DISP1: variants seen among roughly 807,000 people sequenced by gnomAD.
DISP1 encodes the protein protein dispatched homolog 1.
DISP1 carries 30 observed loss-of-function variants against 37.3 expected under a neutral mutation model. The observed-to-expected ratio is 0.80, with a 90% confidence interval of 0.60 to 1.09. DISP1 has a LOEUF of 1.09. Among genes scored for constraint, DISP1 ranks in the 50% least tolerant of loss-of-function variants. DISP1 has a pLI of 0.00. For synonymous variants in DISP1, 634 were observed against 690.2 expected, an observed-to-expected ratio of 0.92 and a Z score of 1.28; for missense variants, 1,598 against 1,879.5, an observed-to-expected ratio of 0.85 and a Z score of 2.77.
chr1:222,837,716 G>A (rs928836110), intron 1 of DISP1, among the ~76,000 whole-genome samples: 7 of 151,964 alleles, frequency 4.6e-5, no homozygotes, highest in Non-Finnish European at 8.8e-5. Context: ...AATGTCATTC[G>A]TAATAGTAAC....
chr1:222,957,192 G>T (rs1211831630), intron 3 of DISP1, among the ~76,000 whole-genome samples: 1 of 150,558 alleles, frequency 6.6e-6, no homozygotes, highest in African/African-American at 2.4e-5. Flanking sequence ...CCGCTTTTGG[G>T]GTATGCATTG....
intron 1 of DISP1, among the ~76,000 whole-genome samples, chr1:222,920,298 C>G (rs1277518202): frequency 6.6e-6 from 1 of 152,106 alleles, no homozygotes; most frequent in Non-Finnish European, 1.5e-5. Context: ...CCAAGAGTTT[C>G]TATCATAAAA....
In DISP1 at chr1:222,997,291, G is replaced by A. The variant is rs1179743772; in HGVS notation, c.987+2309G>A. 2.0e-5 allele frequency among the ~76,000 whole-genome samples: 3 copies of A among 152,114 alleles called. No individual in the cohort carries two copies. The East Asian group carries it at 5.8e-4, about 29-fold the overall frequency. Reference sequence around the variant, plus strand: ...GCTGATGGGAGCTGCAAACTTATCTGTAACCTCCCAGCAGCCAGAGCAAAA... The same window carrying A: ...GCTGATGGGAGCTGCAAACTTATCTATAACCTCCCAGCAGCCAGAGCAAAA... On this transcript the variant is annotated intron_variant, in intron 8 of 8. Coordinates refer to ENST00000675850, the MANE Select transcript of DISP1 (RefSeq NM_001377229.1).
intron 1 of DISP1, among the ~76,000 whole-genome samples, chr1:222,873,401 G>A (rs1380776593): frequency 2.6e-5 from 4 of 152,122 alleles, no homozygotes; most frequent in Non-Finnish European, 5.9e-5. Context: ...ATTATTGTGT[G>A]GGAGTCTAAG....
At chr1:222,998,505 A>T (rs78252659) in intron 8 of DISP1, among the ~76,000 whole-genome samples, 2,663 of 152,202 alleles carry the variant, frequency 0.017, 74 homozygotes, top group African/African-American at 0.061. Flanking sequence ...ATTGGTTTCC[A>T]AAGTGAAGTA....
intron 1 of DISP1, among the ~76,000 whole-genome samples, chr1:222,874,327 G>C (rs1669812290): frequency 6.6e-6 from 1 of 151,892 alleles, no homozygotes; most frequent in South Asian, 2.1e-4. Flanking sequence ...GGCCTGCCTT[G>C]CTAGATTGAG....
chr1:222,821,445 C>T (rs1018732160), intron 1 of DISP1, among the ~76,000 whole-genome samples: 1 of 152,220 alleles, frequency 6.6e-6, no homozygotes, highest in Non-Finnish European at 1.5e-5. Flanking sequence ...TGTGTGTCTC[C>T]ATTCAAATCT....
chr1:222,839,763 T>C (rs1314071773), intron 1 of DISP1, among the ~76,000 whole-genome samples: 4 of 152,014 alleles, frequency 2.6e-5, no homozygotes, highest in African/African-American at 9.7e-5. Flanking sequence ...TGAAACCCTG[T>C]CTCTACTAAA....
intron 3 of DISP1, among the ~76,000 whole-genome samples, chr1:222,957,578 G>C (rs1675703445): frequency 6.6e-6 from 1 of 152,086 alleles, no homozygotes; most frequent in African/African-American, 2.4e-5. Flanking sequence ...GACAGAATGA[G>C]ACTCTGTCTC....
chr1:222,926,507 C>T (rs1387943247), intron 1 of DISP1, among the ~76,000 whole-genome samples: 1 of 152,092 alleles, frequency 6.6e-6, no homozygotes, highest in Admixed American at 6.6e-5. Context: ...ATTACTGGTT[C>T]TAGGAGAAAT....
chr1:222,853,595 T>C (rs1668390444), intron 1 of DISP1, among the ~76,000 whole-genome samples: 2 of 152,148 alleles, frequency 1.3e-5, no homozygotes, highest in Non-Finnish European at 1.5e-5. Context: ...CACAGCAACA[T>C]GGATGGAGCT....
intron 3 of DISP1, among the ~76,000 whole-genome samples, chr1:222,956,529 G>T (rs925130647): frequency 1.3e-5 from 2 of 152,052 alleles, no homozygotes; most frequent in African/African-American, 4.8e-5. Context: ...TCATTGTAAA[G>T]CAATCCCTAA....
At chr1:222,834,991 T>A (rs1218787697) in intron 1 of DISP1, 1 of 152,248 alleles carries the variant, frequency 6.6e-6, no homozygotes, top group East Asian at 1.9e-4. Flanking sequence ...AGGCTTAATG[T>A]ATAATTATTT....
intron 2 of DISP1, among the ~76,000 whole-genome samples, chr1:222,936,852 G>GATATATAATTTATATATCATATATATGAT (rs1673874872): frequency 2.1e-4 from 9 of 42,088 alleles, no homozygotes; most frequent in East Asian, 7.6e-4. Context: ...TCATATATAT[G>GATATATAATTTATATATCATATATATGAT]ATATATAATT....
intron 1 of DISP1, among the ~76,000 whole-genome samples, chr1:222,833,540 G>T (rs1335948407): frequency 6.6e-6 from 1 of 152,206 alleles, no homozygotes; most frequent in Non-Finnish European, 1.5e-5. Flanking sequence ...AGGAAATGGG[G>T]TTTGGCCTGA....
intron 1 of DISP1, among the ~76,000 whole-genome samples, chr1:222,876,794 T>C (rs1300026248): frequency 6.6e-6 from 1 of 152,154 alleles, no homozygotes; most frequent in Non-Finnish European, 1.5e-5. Context: ...TGATAACCTC[T>C]TTAGAAGAAA....
intron 1 of DISP1, among the ~76,000 whole-genome samples, chr1:222,818,011 G>A (rs1276673095): frequency 6.6e-6 from 1 of 152,246 alleles, no homozygotes; most frequent in Non-Finnish European, 1.5e-5. Flanking sequence ...TTCTGTTAAA[G>A]TGATAGGCTA....
At chr1:222,946,574 T>G (rs781479579) in intron 3 of DISP1, among the ~76,000 whole-genome samples, 1 of 152,182 alleles carries the variant, frequency 6.6e-6, no homozygotes, top group African/African-American at 2.4e-5. Flanking sequence ...TACTGAATTC[T>G]TATATGTGCC....
intron 1 of DISP1, among the ~76,000 whole-genome samples, chr1:222,892,332 G>A (rs1030114932): frequency 1.3e-5 from 2 of 152,152 alleles, no homozygotes; most frequent in Admixed American, 6.5e-5. Flanking sequence ...GTCTTATTGT[G>A]GCTTTGCCGT....
Sources: allele counts gnomAD v4.1 joint callset (sites outside exome capture counted in the v4.1 genomes callset), GRCh38; gene constraint gnomAD v4.1.1; transcripts MANE v1.5; gene names NCBI Gene and HGNC (gene_info 2026-07-23, HGNC 2026-07-21).